Variants in SLC25A21 observed in about 807,000 individuals in gnomAD.
SLC25A21 encodes solute carrier family 25 member 21.
A neutral mutation model predicts 43.8 loss-of-function variants in SLC25A21; 47 were observed. The observed-to-expected ratio is 1.07, with a 90% CI of 0.85 to 1.37. SLC25A21 has a LOEUF of 1.37. Ranked by LOEUF, SLC25A21 falls within the 40% of genes most tolerant of loss-of-function variation. The probability of loss-of-function intolerance (pLI) is 0.00; values close to 1 mark genes in which losing one functional copy is unlikely to be tolerated. For synonymous variants in SLC25A21, 131 were observed against 121.3 expected (o/e 1.08, Z -0.52); for missense variants, 352 against 350.2 (o/e 1.00, Z -0.04).
chr14:36,959,321 CA>C (rs1157145428), intron 1 of SLC25A21, among the ~76,000 whole-genome samples: 1 of 152,140 alleles, frequency 6.6e-6, no homozygotes, highest in African/African-American at 2.4e-5. Flanking sequence ...TGATCTTACT[CA>C]CTCAAATCAG....
chr14:36,821,206 T>C (rs1888617061), intron 2 of SLC25A21, among the ~76,000 whole-genome samples: 1 of 152,188 alleles, frequency 6.6e-6, no homozygotes, highest in Non-Finnish European at 1.5e-5. Flanking sequence ...CATGTATGTT[T>C]CTTTCCCATT....
chr14:36,842,428 T>C lies in SLC25A21; in HGVS notation c.120-28427A>G, dbSNP rs184470275. Among the ~76,000 whole-genome samples the C allele has an allele frequency of 2.8e-3, 419 of 152,220 alleles. 3 individuals are homozygous for C. Among genetic ancestry groups the C allele is most frequent in the African/African-American group, 9.4e-3 (391 of 41,534 alleles). ...GCCTGCCTTCCTTGTACTTCCTGCC[T>C]GGAAGCTGGATGTATAGGTGGAGTT... On this transcript the variant is annotated intron_variant, in intron 2 of 9. Coordinates refer to ENST00000331299, the MANE Select transcript of SLC25A21 (RefSeq NM_030631.4).
chr14:36,886,186 C>T (rs538553845), intron 1 of SLC25A21, among the ~76,000 whole-genome samples: 2 of 152,156 alleles, frequency 1.3e-5, no homozygotes, highest in African/African-American at 4.8e-5. Context: ...TGTAGTAGCC[C>T]TACTCAATTA....
rs74354495 is a variant in SLC25A21 at position 36,822,028 on chromosome 14, C to T, written c.120-8027G>A. On this transcript the variant is annotated intron_variant, in intron 2 of 9. Coordinates refer to ENST00000331299, the MANE Select transcript of SLC25A21 (RefSeq NM_030631.4). Reference sequence around the variant, plus strand: ...GGAACAAGGTTAAGGGTTTGGGGGCCCCAAAGATGAATAACACCCAGGTCC... The same window carrying T: ...GGAACAAGGTTAAGGGTTTGGGGGCTCCAAAGATGAATAACACCCAGGTCC... 6.2e-3 allele frequency among the ~76,000 whole-genome samples: 942 copies of T among 152,160 alleles called. 13 individuals are homozygous for T. The highest frequency in any genetic ancestry group is 0.022 in the African/African-American group (909 of 41,484).
chr14:36,717,084 C>A (rs747926544), intron 6 of SLC25A21, among the ~76,000 whole-genome samples: 2 of 152,086 alleles, frequency 1.3e-5, no homozygotes, highest in African/African-American at 2.4e-5. Context: ...AAGAGGGGAC[C>A]CAGTTGCTCC....
intron 1 of SLC25A21, among the ~76,000 whole-genome samples, chr14:37,056,281 G>C (rs558933125): frequency 6.6e-6 from 1 of 152,146 alleles, no homozygotes; most frequent in South Asian, 2.1e-4. Flanking sequence ...ATAAGGTCAG[G>C]AGATCAAGAC....
At chr14:37,105,476 T>C (rs1281102303) in intron 1 of SLC25A21, among the ~76,000 whole-genome samples, 2 of 152,176 alleles carry the variant, frequency 1.3e-5, no homozygotes, top group Non-Finnish European at 2.9e-5. Flanking sequence ...GTGGGCCTTT[T>C]TTCCCAGGGC....
At chr14:37,074,997 T>A (rs1215365988) in intron 1 of SLC25A21, among the ~76,000 whole-genome samples, 5 of 152,198 alleles carry the variant, frequency 3.3e-5, no homozygotes, top group Non-Finnish European at 7.4e-5. Context: ...CCTGAAAGCA[T>A]CATTGTTAAT....
intron 1 of SLC25A21, among the ~76,000 whole-genome samples, chr14:36,887,562 C>CACA (rs1890956758): frequency 1.4e-5 from 2 of 141,934 alleles, no homozygotes; most frequent in African/African-American, 2.7e-5. Flanking sequence ...GACTCCATTG[C>CACA]AAAAAAAAAA....
intron 1 of SLC25A21, 95 bp downstream of exon 1, chr14:37,172,186 G>A: frequency 7.8e-7 from 1 of 1,282,172 alleles, no homozygotes. Context: ...GAAGAGGGCA[G>A]AACTTCAGTA....
At chr14:36,765,741 A>T (rs1481359932) in intron 3 of SLC25A21, among the ~76,000 whole-genome samples, 1 of 152,206 alleles carries the variant, frequency 6.6e-6, no homozygotes, top group Non-Finnish European at 1.5e-5. Context: ...AACATCTTGA[A>T]ACAAAGGATC....
intron 1 of SLC25A21, among the ~76,000 whole-genome samples, chr14:36,886,464 G>A (rs1890914795): frequency 6.6e-6 from 1 of 152,180 alleles, no homozygotes; most frequent in South Asian, 2.1e-4. Flanking sequence ...CTAAGCAATG[G>A]CTGTTAGCAT....
rs1203669355 is a variant in SLC25A21, at chr14:36,804,387, T to C, written c.203+9531A>G. The stretch of plus-strand genomic sequence containing the variant: ...GCATATTAAAAGATGAGGAAGACAC[T>C]GGATGAATCCCAGCCCCAACAAATA... On this transcript the variant is annotated intron_variant, in intron 3 of 9. Coordinates refer to ENST00000331299, the MANE Select transcript of SLC25A21 (RefSeq NM_030631.4). Among the ~76,000 whole-genome samples the C allele has an allele frequency of 5.9e-5, 9 of 152,216 alleles. No individual in the cohort carries two copies. The East Asian group carries it at 1.7e-3, about 29-fold the overall frequency.
rs530337009 is a variant in SLC25A21, at chr14:37,105,602, T to C, written c.70+66679A>G. On this transcript the variant is annotated intron_variant, in intron 1 of 9. Coordinates refer to ENST00000331299, the MANE Select transcript of SLC25A21 (RefSeq NM_030631.4). The stretch of plus-strand genomic sequence containing the variant: ...GAAGAAAAGAGAGTCAGCGTGGGGA[T>C]GAATCATGGCTATCCATTCCAAAAG... Among the ~76,000 whole-genome samples, 4 of 152,320 alleles carry C rather than the reference T, an allele frequency of 2.6e-5. No homozygotes were observed. In the East Asian group the frequency reaches 5.8e-4, roughly 22 times the overall value.
At chr14:36,755,024 TA>T (rs2139267078) in intron 3 of SLC25A21, among the ~76,000 whole-genome samples, 2 of 152,044 alleles carry the variant, frequency 1.3e-5, no homozygotes, top group East Asian at 3.9e-4. Flanking sequence ...TAGAGGAAAA[TA>T]AAAATTTAAA....
intron 1 of SLC25A21, among the ~76,000 whole-genome samples, chr14:37,111,472 C>G (rs898974715): frequency 6.6e-6 from 1 of 152,094 alleles, no homozygotes; most frequent in African/African-American, 2.4e-5. Context: ...ATTGATGGTC[C>G]TCTCTCAGTG....
chr14:36,883,870 G>A (rs1390141250), intron 1 of SLC25A21, among the ~76,000 whole-genome samples: 3 of 151,846 alleles, frequency 2.0e-5, no homozygotes, highest in Non-Finnish European at 4.4e-5. Context: ...ATATGTTTAT[G>A]GGGTACAATG....
chr14:36,960,236 C>T (rs17105784), intron 1 of SLC25A21, among the ~76,000 whole-genome samples: 1,544 of 152,240 alleles, frequency 0.01, 36 homozygotes, highest in African/African-American at 0.035. Flanking sequence ...TCCAATTATA[C>T]TTTTTTTCAT....
At chr14:36,735,428 A>C (rs1412920722) in intron 3 of SLC25A21, among the ~76,000 whole-genome samples, 1 of 125,020 alleles carries the variant, frequency 8.0e-6, no homozygotes, top group African/African-American at 3.2e-5. Context: ...AGAAGAGAAT[A>C]TTATGCATTA....
Sources: gnomAD v4.1 joint callset for allele counts (sites outside exome capture counted in the v4.1 genomes callset) on GRCh38, gnomAD v4.1.1 for gene constraint, MANE v1.5 for transcripts, NCBI Gene and HGNC (gene_info 2026-07-23, HGNC 2026-07-21) for gene names.